Variants in PKHD1L1 observed in about 807,000 individuals in gnomAD.
PKHD1L1 encodes fibrocystin-L.
PKHD1L1 carries 434 observed loss-of-function variants against 462.9 expected under a neutral mutation model. That is an observed-to-expected ratio of 0.94 (90% CI 0.87 to 1.02). The LOEUF is 1.02. Among genes scored for constraint, PKHD1L1 ranks in the 50% least tolerant of loss-of-function variants. PKHD1L1 has a pLI of 0.00. For synonymous variants in PKHD1L1, 1,781 were observed against 1,750.0 expected (o/e 1.02, Z -0.44); for missense variants, 5,202 against 5,096.1 (o/e 1.02, Z -0.63).
intron 77 of PKHD1L1, among the ~76,000 whole-genome samples, chr8:109,527,524 T>C (rs968917078): frequency 2.6e-5 from 4 of 151,918 alleles, no homozygotes; most frequent in African/African-American, 9.7e-5. Context: ...TAAATACGTA[T>C]GTAAATAAAT....
chr8:109,491,859 CTTT>C lies in PKHD1L1; in HGVS notation c.10115-9_10115-7del, dbSNP rs56235913. The C allele has an allele frequency of 0.39, 602,066 of 1,561,740 alleles. 119,241 individuals are homozygous for C. Among genetic ancestry groups the C allele is most frequent in the South Asian group, 0.56 (47,796 of 84,638 alleles). On this transcript the variant is annotated splice_polypyrimidine_tract_variant and intron_variant, in intron 61 of 77. Coordinates refer to ENST00000378402, the MANE Select transcript of PKHD1L1 (RefSeq NM_177531.6). Reference sequence around the variant, plus strand: ...TTTTGGGGATTTTCTTTCTTTTTTTCTTTTTTTAAACAGGCATAAGAATATGGG... The same window carrying C: ...TTTTGGGGATTTTCTTTCTTTTTTTCTTTTAAACAGGCATAAGAATATGGG...
At position 109,459,841 on chromosome 8, in the gene PKHD1L1, T is replaced by C. The variant is rs1379133127; in HGVS notation, c.7246+5T>C. ...GTCCTGATGGATTTGACACAGGTAATTTTAGCAGCTCTCGTGGTTGGTATA... is the reference window on the plus strand; with the variant it reads ...GTCCTGATGGATTTGACACAGGTAACTTTAGCAGCTCTCGTGGTTGGTATA... On this transcript the variant is annotated splice_donor_5th_base_variant and intron_variant, in intron 47 of 77. Transcript: ENST00000378402. 1 of 1,606,472 alleles carries C rather than the reference T, an allele frequency of 6.2e-7. No individual in the cohort carries two copies. Among genetic ancestry groups the C allele is most frequent in the South Asian group, 1.1e-5 (1 of 89,984 alleles).
chr8:109,436,959 A>G (rs947513212), intron 30 of PKHD1L1, among the ~76,000 whole-genome samples: 2 of 152,248 alleles, frequency 1.3e-5, no homozygotes, highest in South Asian at 2.1e-4. Context: ...CTCTGTCACC[A>G]GTCTGTAGTG....
At chr8:109,503,312 AAAC>A (rs1358353905) in intron 67 of PKHD1L1, among the ~76,000 whole-genome samples, 2 of 119,408 alleles carry the variant, frequency 1.7e-5, no homozygotes, top group African/African-American at 7.0e-5. Context: ...AAACAAAAAC[AAAC>A]AAAAAAAAAA....
At position 109,408,169 on chromosome 8, in the gene PKHD1L1, CT is replaced by C; in HGVS notation, c.1936del (p.Ser646LeufsTer38). On this transcript the variant is annotated frameshift_variant, in exon 18 of 78. Transcript: ENST00000378402. LOFTEE classifies it high-confidence loss of function. ...ETFTLNWDGI[A>X]SKPLTLWSSE... ...TTCACACTGAATTGGGATGGGATCG[CT>C]TCTAAGCCACTCACTCTATGGTCAT... 6.2e-7 allele frequency: 1 copy of C among 1,612,838 alleles called. No individual in the cohort carries two copies. The highest frequency in any genetic ancestry group is 8.5e-7 in the Non-Finnish European group (1 of 1,179,186).
chr8:109,531,451 AAGACAGAGAGATAG>A lies in PKHD1L1; in HGVS notation c.*1371_*1384del, dbSNP rs6150754. The stretch of plus-strand genomic sequence containing the variant: ...TGTCTCAGGGAGAGAGAGACAGAGA[AAGACAGAGAGATAG>A]AGACAGAGACAGAGAGGGAGGGGGA... On this transcript the variant is annotated 3_prime_UTR_variant, in exon 78 of 78. Coordinates refer to ENST00000378402, the MANE Select transcript of PKHD1L1 (RefSeq NM_177531.6). Among the ~76,000 whole-genome samples the A allele has an allele frequency of 0.15, 22,516 of 152,032 alleles. 2,206 individuals carry two copies. Among genetic ancestry groups the A allele is most frequent in the South Asian group, 0.37 (1,764 of 4,812 alleles).
At chr8:109,497,864 C>T (rs1162132823) in intron 65 of PKHD1L1, among the ~76,000 whole-genome samples, 2 of 152,238 alleles carry the variant, frequency 1.3e-5, no homozygotes, top group African/African-American at 4.8e-5. Flanking sequence ...ACTTCCTCCA[C>T]TTTTTTGTGC....
Position 109,429,373 on chromosome 8 carries a change from A to C in PKHD1L1, c.3034A>C (p.Asn1012His). 1 of 1,552,780 alleles carries C rather than the reference A, an allele frequency of 6.4e-7. No individual in the cohort carries two copies. Among genetic ancestry groups the C allele is most frequent in the Non-Finnish European group, 8.8e-7 (1 of 1,133,872 alleles). ...TTCCAACATTATTGGAGAAAAGGCT[A>C]ATATGACAGTTACAAGGATAAAGGA... ...NDSNIIGEKANMTVTRIKEGG... is the reference protein window; with the variant it reads ...NDSNIIGEKAHMTVTRIKEGG... The change falls in exon 26 of 78, where the codon AAT becomes CAT. Residue 1012 changes from asparagine to histidine, a missense_variant. By Grantham distance (68) the Asn-to-His change is moderately conservative. Transcript: ENST00000378402.
At chr8:109,515,041 C>A in intron 71 of PKHD1L1, 129 bp from the exon 72 acceptor site, 1 of 707,294 alleles carries the variant, frequency 1.4e-6, no homozygotes, top group South Asian at 2.8e-5. Context: ...TAGTTCATCC[C>A]TTATCCCAAA....
chr8:109,472,091 TA>T lies in PKHD1L1; in HGVS notation c.8606-3019del, dbSNP rs397730478. On this transcript the variant is annotated intron_variant, in intron 50 of 77. Transcript: ENST00000378402. The stretch of plus-strand genomic sequence containing the variant: ...AGAAGTCTTAATTGTGTTTATTTTT[TA>T]AAAAAAATAATGTTAGACTTGTGCG... Among the ~76,000 whole-genome samples the T allele has an allele frequency of 7.5e-4, 113 of 151,676 alleles. 1 individual carries two copies. The highest frequency in any genetic ancestry group is 3.4e-3 in the Middle Eastern group (1 of 294).
At chr8:109,365,122 A>G (rs548900135) in intron 2 of PKHD1L1, among the ~76,000 whole-genome samples, 1 of 152,328 alleles carries the variant, frequency 6.6e-6, no homozygotes, top group Admixed American at 6.5e-5. Context: ...TGAGTACCGT[A>G]CATGGTTCCC....
intron 58 of PKHD1L1, among the ~76,000 whole-genome samples, chr8:109,486,406 G>T (rs2130903725): frequency 6.6e-6 from 1 of 151,952 alleles, no homozygotes; most frequent in Middle Eastern, 3.4e-3. Flanking sequence ...CTTTATACTT[G>T]CTGATTATAA....
chr8:109,446,375 G>C (rs1475541764), intron 38 of PKHD1L1, among the ~76,000 whole-genome samples: 1 of 151,986 alleles, frequency 6.6e-6, no homozygotes, highest in African/African-American at 2.4e-5. Flanking sequence ...ATGAAATTTT[G>C]GACAAGTTTT....
In PKHD1L1 at chr8:109,445,055, A is replaced by C. The variant is rs772835234; in HGVS notation, c.5186A>C (p.His1729Pro). 1.2e-6 allele frequency: 2 copies of C among 1,613,946 alleles called. No homozygotes were observed. The highest frequency in any genetic ancestry group is 1.7e-6 in the Non-Finnish European group (2 of 1,179,874). The change falls in exon 38 of 78, where the codon CAT (histidine) becomes CCT (proline). Residue 1729 changes from histidine (H) to proline (P), a missense_variant. His to Pro is a moderately conservative substitution (Grantham distance 77, BLOSUM62 -2). Around this residue, in one of 3 missense-constraint regions of PKHD1L1, gnomAD observed 4,497 missense variants for 4,336.8 expected, o/e 1.04. Coordinates refer to ENST00000378402, the MANE Select transcript of PKHD1L1 (RefSeq NM_177531.6). ...QQLVDVDLLI[H>P]GVPAQCQGNC... The stretch of plus-strand genomic sequence containing the variant: ...CTTGTGGATGTAGATCTTCTAATAC[A>C]TGGAGTGCCTGCCCAGTGCCAGGGA...
chr8:109,387,565 A>G (rs1812502667), intron 6 of PKHD1L1, among the ~76,000 whole-genome samples: 1 of 152,178 alleles, frequency 6.6e-6, no homozygotes, highest in Admixed American at 6.6e-5. Context: ...ATTAAACATC[A>G]TAGGAACCTA....
chr8:109,443,769 C>A lies in PKHD1L1; in HGVS notation c.4658C>A (p.Ser1553Ter), dbSNP rs372148502. 6 of 1,613,660 alleles carry A rather than the reference C, an allele frequency of 3.7e-6. No homozygotes were observed. The highest frequency in any genetic ancestry group is 1.7e-5 in the Admixed American group (1 of 59,972). ...CSLNNTRVKN[S>*]KRLLFEVSSC... ...CTGAACAATACCAGGGTTAAAAATTCAAAAAGATTGCTATTTGAGGTTTCA... is the reference window on the plus strand; with the variant it reads ...CTGAACAATACCAGGGTTAAAAATTAAAAAAGATTGCTATTTGAGGTTTCA... The change falls in exon 37 of 78, where the codon TCA becomes TAA. Residue 1553 changes from serine (S) to a stop codon, truncating the protein, a stop_gained. Coordinates refer to ENST00000378402, the MANE Select transcript of PKHD1L1 (RefSeq NM_177531.6). LOFTEE classifies it high-confidence loss of function.
intron 22 of PKHD1L1, among the ~76,000 whole-genome samples, chr8:109,419,785 C>T (rs756959793): frequency 3.3e-5 from 5 of 152,046 alleles, no homozygotes; most frequent in Non-Finnish European, 5.9e-5. Flanking sequence ...TTAAACTCCA[C>T]GATCTTTTAA....
chr8:109,478,725 T>A (rs1818122981), intron 53 of PKHD1L1, among the ~76,000 whole-genome samples: 1 of 152,144 alleles, frequency 6.6e-6, no homozygotes, highest in Non-Finnish European at 1.5e-5. Flanking sequence ...TTATTATGAC[T>A]ACTATAACAG....
Position 109,515,317 on chromosome 8 carries a change from GA to G in PKHD1L1, c.11689+18del. 1 of 1,524,570 alleles carries G rather than the reference GA, an allele frequency of 6.6e-7. No homozygotes were observed. Among genetic ancestry groups the G allele is most frequent in the South Asian group, 1.3e-5 (1 of 77,832 alleles). The allele number at this position is 1,524,570 out of a possible 1,614,324, so 94.4% of individuals were successfully genotyped here. On this transcript the variant is annotated intron_variant, in intron 72 of 77. Transcript: ENST00000378402. Reference sequence around the variant, plus strand: ...CCATCTGTACAAAGGTATTGTCTCAGAAAAAATACAGTACACATGGAAAATG... The same window carrying G: ...CCATCTGTACAAAGGTATTGTCTCAGAAAAATACAGTACACATGGAAAATG...
Sources: allele counts gnomAD v4.1 joint callset (sites outside exome capture counted in the v4.1 genomes callset), GRCh38; gene constraint gnomAD v4.1.1; regional missense constraint gnomAD v4.1.1; transcripts MANE v1.5; gene names NCBI Gene and HGNC (gene_info 2026-07-23, HGNC 2026-07-21).